NFASC: variants seen among roughly 807,000 people sequenced by gnomAD.
The protein encoded by NFASC is neurofascin homolog.
In NFASC, 43 loss-of-function variants were observed where a neutral mutation model predicts 147.5. That is an observed-to-expected ratio of 0.29 (90% CI 0.23 to 0.38). NFASC has a LOEUF of 0.38. Ranked by LOEUF, NFASC falls within the 10% of genes least tolerant of loss-of-function variation. The pLI is 1.00. For synonymous variants in NFASC, 622 were observed against 665.5 expected (o/e 0.93, Z 1.01); for missense variants, 1,320 against 1,689.0 (o/e 0.78, Z 3.83).
At chr1:204,970,365 T>G (rs1416763116) in intron 10 of NFASC, among the ~76,000 whole-genome samples, 1 of 152,168 alleles carries the variant, frequency 6.6e-6, no homozygotes, top group African/African-American at 2.4e-5. Flanking sequence ...CTTCAGGGGA[T>G]TCTAGTGAGC....
chr1:204,912,213 C>T (rs940936188), intron 1 of NFASC, among the ~76,000 whole-genome samples: 2 of 151,520 alleles, frequency 1.3e-5, no homozygotes, highest in African/African-American at 2.4e-5. Context: ...ACTAGTTCCT[C>T]GAGGTGGGAC....
chr1:204,866,969 A>G lies in NFASC; in HGVS notation c.-200+38187A>G, dbSNP rs1572197020. 2.0e-5 allele frequency among the ~76,000 whole-genome samples: 3 copies of G among 152,102 alleles called. No individual in the cohort carries two copies. The East Asian group carries it at 5.8e-4, about 29-fold the overall frequency. On this transcript the variant is annotated intron_variant, in intron 1 of 29. Transcript: ENST00000339876. ...TGGCATTGGTACTGGGCCTTAGAGG[A>G]TGAATAGGATTTGTTGGGCAAATTT...
intron 2 of NFASC, among the ~76,000 whole-genome samples, chr1:204,928,891 C>T (rs1228859310): frequency 1.3e-5 from 2 of 152,088 alleles, no homozygotes; most frequent in Non-Finnish European, 2.9e-5. Flanking sequence ...AAAGAGTTTT[C>T]GCCCTAGAGA....
intron 13 of NFASC, 75 bp downstream of exon 13, chr1:204,974,365 TAGGTGTTC>T: frequency 8.4e-7 from 1 of 1,184,722 alleles, no homozygotes. Context: ...TGGCCCATAG[TAGGTGTTC>T]AGCAAGACCT....
At chr1:205,008,078 A>G (rs1411123400) in intron 27 of NFASC, among the ~76,000 whole-genome samples, 2 of 152,120 alleles carry the variant, frequency 1.3e-5, no homozygotes, top group African/African-American at 4.8e-5. Context: ...CAGAGTGCAG[A>G]GGACACGTGT....
chr1:204,960,368 T>G (rs997321523), intron 8 of NFASC, among the ~76,000 whole-genome samples: 11 of 152,222 alleles, frequency 7.2e-5, no homozygotes, highest in Non-Finnish European at 1.2e-4. Flanking sequence ...GCTACAGAGC[T>G]GGGCCCGTCC....
intron 27 of NFASC, among the ~76,000 whole-genome samples, chr1:205,006,250 G>A (rs997410105): frequency 1.3e-5 from 2 of 152,196 alleles, no homozygotes; most frequent in African/African-American, 4.8e-5. Context: ...TCAATAAGTA[G>A]TCACTGACTA....
chr1:205,021,794 A>C lies in NFASC; in HGVS notation c.*5255A>C, dbSNP rs1281305964. On this transcript the variant is annotated 3_prime_UTR_variant, in exon 30 of 30. Coordinates refer to ENST00000339876, the MANE Select transcript of NFASC (RefSeq NM_001005388.3). ...ACAAACAGGATTGTTTCTGAGACCAAGATCAGTCTGTCTGTGATCAGCCTG... is the reference window on the plus strand; with the variant it reads ...ACAAACAGGATTGTTTCTGAGACCACGATCAGTCTGTCTGTGATCAGCCTG... 2 of 153,032 alleles carry C rather than the reference A, an allele frequency of 1.3e-5. No individual in the cohort carries two copies. The highest frequency in any genetic ancestry group is 2.9e-5 in the Non-Finnish European group (2 of 68,056). 9.5% of individuals were successfully genotyped at this position (153,032 alleles called of 1,614,324 possible).
Position 205,009,588 on chromosome 1 carries a change from C to T in NFASC, c.3321C>T (p.Thr1107=), listed in dbSNP as rs762360207. The T allele has an allele frequency of 6.2e-6, 10 of 1,614,058 alleles. No homozygotes were observed. Among genetic ancestry groups the T allele is most frequent in the African/African-American group, 1.3e-5 (1 of 74,930 alleles). The change falls in exon 28 of 30, where the codon ACC becomes ACT. Residue 1107 remains threonine (T), a synonymous_variant. Transcript: ENST00000339876. The part of the protein sequence containing the change: ...AYTNNQADIA[T]QGWFIGLMCA... Reference sequence around the variant, plus strand: ...CCAACAACCAAGCGGACATCGCCACCCAGGGCTGGTTCATTGGGCTTATGT... The same window carrying T: ...CCAACAACCAAGCGGACATCGCCACTCAGGGCTGGTTCATTGGGCTTATGT...
intron 24 of NFASC, among the ~76,000 whole-genome samples, chr1:204,993,533 C>CA (rs1368644380): frequency 6.6e-6 from 1 of 152,190 alleles, no homozygotes. Flanking sequence ...CCCTTGGCCG[C>CA]AGCCAGGGTG....
At chr1:204,906,404 C>T (rs2085880786) in intron 1 of NFASC, among the ~76,000 whole-genome samples, 1 of 152,152 alleles carries the variant, frequency 6.6e-6, no homozygotes, top group Middle Eastern at 3.2e-3. Context: ...AACCACTCAT[C>T]TTTATTCTGT....
intron 1 of NFASC, among the ~76,000 whole-genome samples, chr1:204,846,248 A>C (rs1677009789): frequency 6.6e-6 from 1 of 151,974 alleles, no homozygotes; most frequent in Non-Finnish European, 1.5e-5. Context: ...TGACACAAGA[A>C]GGTTAGTCAA....
intron 1 of NFASC, among the ~76,000 whole-genome samples, chr1:204,844,441 T>G (rs547293403): frequency 2.0e-5 from 3 of 152,182 alleles, no homozygotes; most frequent in Non-Finnish European, 4.4e-5. Flanking sequence ...TTTTTGAGCC[T>G]CAAATAAGTG....
At chr1:204,829,976 C>T (rs1362619820) in intron 1 of NFASC, among the ~76,000 whole-genome samples, 1 of 151,020 alleles carries the variant, frequency 6.6e-6, no homozygotes, top group African/African-American at 2.4e-5. Context: ...AGGTTCTGCT[C>T]CTGACTCCTT....
intron 2 of NFASC, among the ~76,000 whole-genome samples, chr1:204,932,930 G>C (rs2092493695): frequency 6.6e-6 from 1 of 152,162 alleles, no homozygotes; most frequent in Non-Finnish European, 1.5e-5. Flanking sequence ...CATGGAAGGA[G>C]GAAAGATCCT....
In NFASC at chr1:204,920,741, G is replaced by C; in HGVS notation, c.-91+1G>C. On this transcript the variant is annotated splice_donor_variant, in intron 2 of 29. Transcript: ENST00000339876. LOFTEE classifies it low-confidence loss of function (5UTR_SPLICE). ...GAAGAGGCTGAATGAGGCAGAGAAG[G>C]TAAGCAGGACTTGGGCCTGGGGTAT... 7.8e-7 allele frequency: 1 copy of C among 1,280,520 alleles called. No homozygotes were observed. Among genetic ancestry groups the C allele is most frequent in the South Asian group, 1.2e-5 (1 of 80,818 alleles). The allele number at this position is 1,280,520 out of a possible 1,614,324, so 79.3% of individuals were successfully genotyped here.
chr1:204,832,436 G>A (rs1672488281), intron 1 of NFASC, among the ~76,000 whole-genome samples: 2 of 148,252 alleles, frequency 1.3e-5, no homozygotes, highest in Admixed American at 1.3e-4. Context: ...TGCAAGGTGT[G>A]TGAAAGGATT....
intron 1 of NFASC, among the ~76,000 whole-genome samples, chr1:204,871,535 T>A (rs1354734835): frequency 6.6e-6 from 1 of 152,154 alleles, no homozygotes; most frequent in East Asian, 1.9e-4. Context: ...ACGTTAGTCT[T>A]CTCCTGTTCC....
Position 205,015,060 on chromosome 1 carries a change from A to C in NFASC, c.3492-1248A>C, listed in dbSNP as rs1399981715. The stretch of plus-strand genomic sequence containing the variant: ...TGTGGGGAGTGGGCTAATAGCTTTC[A>C]ATCTTCTAACACAGCCCCGGCTCTG... On this transcript the variant is annotated intron_variant, in intron 29 of 29. Coordinates refer to ENST00000339876, the MANE Select transcript of NFASC (RefSeq NM_001005388.3). The surrounding 1 kb of genome is among the most constrained non-coding windows in gnomAD (Gnocchi z 4.0). 3.9e-5 allele frequency among the ~76,000 whole-genome samples: 6 copies of C among 152,060 alleles called. No homozygotes were observed. Among genetic ancestry groups the C allele is most frequent in the Non-Finnish European group, 8.8e-5 (6 of 67,996 alleles).
Sources: gnomAD v4.1 joint callset for allele counts (sites outside exome capture counted in the v4.1 genomes callset) on GRCh38, gnomAD v4.1.1 for gene constraint, Gnocchi (gnomAD v3.1) non-coding constraint, MANE v1.5 for transcripts, NCBI Gene and HGNC (gene_info 2026-07-23, HGNC 2026-07-21) for gene names.